Variants in PKN2 observed in about 807,000 individuals in gnomAD.
The protein encoded by PKN2 is serine/threonine-protein kinase N2.
PKN2 carries 38 observed loss-of-function variants against 119.1 expected under a neutral mutation model. The observed-to-expected ratio is 0.32, with a 90% CI of 0.25 to 0.42. The LOEUF (loss-of-function observed/expected upper bound fraction) is 0.42. Among genes scored for constraint, PKN2 ranks in the 10% least tolerant of loss-of-function variants. PKN2 has a pLI of 1.00. For synonymous variants in PKN2, 390 were observed against 384.9 expected, an observed-to-expected ratio of 1.01 and a Z score of -0.15; for missense variants, 850 against 1,165.1, an observed-to-expected ratio of 0.73 and a Z score of 3.94.
chr1:88,804,631 C>G (rs186991887), intron 9 of PKN2, 97 bp downstream of exon 9: 2 of 1,242,898 alleles, frequency 1.6e-6, no homozygotes, highest in East Asian at 4.7e-5. Context: ...GGCTGAAAGA[C>G]AGATGACTTG....
At chr1:88,763,903 T>G (rs557625868) in intron 3 of PKN2, among the ~76,000 whole-genome samples, 4 of 152,182 alleles carry the variant, frequency 2.6e-5, no homozygotes, top group Non-Finnish European at 5.9e-5. Flanking sequence ...GGAGCAAATT[T>G]AGGGACAGGG....
intron 1 of PKN2, among the ~76,000 whole-genome samples, chr1:88,701,152 A>C (rs9804158): frequency 0.052 from 7,878 of 152,260 alleles, 391 homozygotes; most frequent in African/African-American, 0.12. Context: ...CGTTAAAACA[A>C]CTCAGTTGAG....
In PKN2 at chr1:88,769,562, T is replaced by C. The variant is rs1238711124; in HGVS notation, c.505-790T>C. On this transcript the variant is annotated intron_variant, in intron 3 of 21. Coordinates refer to ENST00000370521, the MANE Select transcript of PKN2 (RefSeq NM_006256.4). Reference sequence around the variant, plus strand: ...AGTAATAAGATTCAAACCTACAGTATCTGTTAGCAGATAAATGGATTGTGC... The same window carrying C: ...AGTAATAAGATTCAAACCTACAGTACCTGTTAGCAGATAAATGGATTGTGC... Among the ~76,000 whole-genome samples, 5 of 152,332 alleles carry C rather than the reference T, an allele frequency of 3.3e-5. No individual in the cohort carries two copies. In the East Asian group the frequency reaches 9.6e-4, roughly 29 times the overall value.
intron 8 of PKN2, among the ~76,000 whole-genome samples, chr1:88,794,843 C>G (rs867001170): frequency 2.6e-5 from 4 of 152,130 alleles, no homozygotes; most frequent in African/African-American, 4.8e-5. Context: ...CATTTCTTTA[C>G]TGATACTGCC....
At position 88,765,630 on chromosome 1, in the gene PKN2, AGTT is replaced by A. The variant is rs991743256; in HGVS notation, c.505-4713_505-4711del. Among the ~76,000 whole-genome samples, 67 of 152,216 alleles carry A rather than the reference AGTT, an allele frequency of 4.4e-4. 1 individual carries two copies. The highest frequency in any genetic ancestry group is 1.4e-3 in the African/African-American group (59 of 41,498). On this transcript the variant is annotated intron_variant, in intron 3 of 21. Transcript: ENST00000370521. ...TTGAGTTCTTTAGTGGAAGTGGTTA[AGTT>A]GTTGTTGTAGTGGAAGTGGTGTTGT...
chr1:88,825,169 A>G lies in PKN2; in HGVS notation c.2419+783A>G, dbSNP rs58012919. Among the ~76,000 whole-genome samples, 773 of 152,336 alleles carry G rather than the reference A, an allele frequency of 5.1e-3. 3 individuals are homozygous for G. Among genetic ancestry groups the G allele is most frequent in the African/African-American group, 0.018 (728 of 41,568 alleles). On this transcript the variant is annotated intron_variant, in intron 18 of 21. Coordinates refer to ENST00000370521, the MANE Select transcript of PKN2 (RefSeq NM_006256.4). The stretch of plus-strand genomic sequence containing the variant: ...GAATAAATGAATGAACTCTGTAGAT[A>G]TATGCCCATCACATACCCACTGACC...
intron 1 of PKN2, among the ~76,000 whole-genome samples, chr1:88,710,256 G>A (rs1667173373): frequency 6.6e-6 from 1 of 152,102 alleles, no homozygotes; most frequent in Admixed American, 6.6e-5. Context: ...TTAAAGAAGA[G>A]ATTAATTGAA....
chr1:88,770,273 C>G, intron 3 of PKN2, 79 bp from the exon 4 acceptor site: 1 of 767,574 alleles, frequency 1.3e-6, no homozygotes, highest in Non-Finnish European at 2.3e-6. Flanking sequence ...TGATATATCA[C>G]TTGATCTGTT....
At chr1:88,813,830 C>A (rs1163781159) in intron 16 of PKN2, 97 bp downstream of exon 16, 2 of 996,346 alleles carry the variant, frequency 2.0e-6, no homozygotes, top group Non-Finnish European at 2.9e-6. Flanking sequence ...TTTTTCCTAA[C>A]AGAAAATAGA....
intron 9 of PKN2, 40 bp from the exon 10 acceptor site, chr1:88,804,806 C>T: frequency 9.4e-7 from 1 of 1,069,138 alleles, no homozygotes; most frequent in Non-Finnish European, 1.4e-6. Flanking sequence ...TTTCATGAAC[C>T]ATGCTATTTT....
At chr1:88,787,789 G>C (rs946039486) in intron 8 of PKN2, among the ~76,000 whole-genome samples, 5 of 152,164 alleles carry the variant, frequency 3.3e-5, no homozygotes, top group African/African-American at 7.2e-5. Context: ...AAGACATTGT[G>C]CATGTTAAGC....
chr1:88,805,510 CAG>C lies in PKN2; in HGVS notation c.1518_1519del (p.Arg506SerfsTer7). Reference sequence around the variant, plus strand: ...CAACATCTACAGGCAAAACATTTCTCAGAGCTCCTCAAATGAATATTAATATT... The same window carrying C: ...CAACATCTACAGGCAAAACATTTCTCAGCTCCTCAAATGAATATTAATATT... ...FSKQQGKTFL[R>X]APQMNINIAT... On this transcript the variant is annotated frameshift_variant, in exon 11 of 22. Coordinates refer to ENST00000370521, the MANE Select transcript of PKN2 (RefSeq NM_006256.4). LOFTEE classifies it high-confidence loss of function. 1 of 1,601,600 alleles carries C rather than the reference CAG, an allele frequency of 6.2e-7. No individual in the cohort carries two copies. The highest frequency in any genetic ancestry group is 8.5e-7 in the Non-Finnish European group (1 of 1,171,184).
In PKN2 at chr1:88,820,182, ATATATATATATATATATATATATAT is replaced by A. The variant is rs1672193877; in HGVS notation, c.2280-1758_2280-1734del. Reference sequence around the variant, plus strand: ...ATCAAACAAATCTTTTCAGAAACCTATATATATATATATATATATATATATATATATATATATATATATATATATA... The same window carrying A: ...ATCAAACAAATCTTTTCAGAAACCTAATATATATATATATATATATATATA... On this transcript the variant is annotated intron_variant, in intron 16 of 21. Coordinates refer to ENST00000370521, the MANE Select transcript of PKN2 (RefSeq NM_006256.4). Among the ~76,000 whole-genome samples, 41 of 8,144 alleles carry A rather than the reference ATATATATATATATATATATATATAT, an allele frequency of 5.0e-3. 1 individual carries two copies. Among genetic ancestry groups the A allele is most frequent in the South Asian group, 0.012 (2 of 164 alleles). 5.3% of individuals were successfully genotyped at this position (8,144 alleles called of 152,430 possible).
In PKN2 at chr1:88,738,398, A is replaced by C. The variant is rs563188006; in HGVS notation, c.49-2590A>C. 8.5e-5 allele frequency among the ~76,000 whole-genome samples: 13 copies of C among 152,366 alleles called. No individual in the cohort carries two copies. The East Asian group carries it at 1.9e-3, about 23-fold the overall frequency. ...TTCTTGATCTTTGAAACAAAGTAAAAGTTAACAGGGTCAAGAAGATACTTG... is the reference window on the plus strand; with the variant it reads ...TTCTTGATCTTTGAAACAAAGTAAACGTTAACAGGGTCAAGAAGATACTTG... On this transcript the variant is annotated intron_variant, in intron 1 of 21. Transcript: ENST00000370521.
chr1:88,713,698 A>T (rs1184599227), intron 1 of PKN2, among the ~76,000 whole-genome samples: 1 of 152,292 alleles, frequency 6.6e-6, no homozygotes, highest in East Asian at 1.9e-4. Flanking sequence ...GGATGAATAG[A>T]TTGCAAAAAT....
intron 1 of PKN2, among the ~76,000 whole-genome samples, chr1:88,715,852 C>T (rs1487541195): frequency 6.6e-6 from 1 of 152,054 alleles, no homozygotes; most frequent in East Asian, 1.9e-4. Context: ...AATGTGTTTG[C>T]TCTTGCTTCT....
chr1:88,748,705 T>TG (rs1320263772), intron 2 of PKN2, among the ~76,000 whole-genome samples: 2 of 151,556 alleles, frequency 1.3e-5, no homozygotes, highest in African/African-American at 4.9e-5. Context: ...GAGGTGGAGG[T>TG]GGGGGGATCG....
intron 1 of PKN2, among the ~76,000 whole-genome samples, chr1:88,721,122 T>C (rs980874777): frequency 2.0e-5 from 3 of 152,160 alleles, no homozygotes; most frequent in Admixed American, 1.3e-4. Context: ...ACTTTTTTTT[T>C]CGTCTGGGTA....
chr1:88,756,688 G>T (rs914435372), intron 2 of PKN2, among the ~76,000 whole-genome samples: 5 of 152,042 alleles, frequency 3.3e-5, no homozygotes, highest in Non-Finnish European at 5.9e-5. Context: ...TCCAAAAAGA[G>T]AAAAGAAAGA....
Sources: gnomAD v4.1 joint callset for allele counts (sites outside exome capture counted in the v4.1 genomes callset) on GRCh38, gnomAD v4.1.1 for gene constraint, MANE v1.5 for transcripts, NCBI Gene and HGNC (gene_info 2026-07-23, HGNC 2026-07-21) for gene names.